The following ARSG variants were observed in gnomAD, a reference collection of about 807,000 sequenced individuals.
The protein encoded by ARSG is arylsulfatase G.
ARSG carries 37 observed loss-of-function variants against 50.5 expected under a neutral mutation model. That is an observed-to-expected ratio of 0.73 (90% confidence interval 0.56 to 0.96). The LOEUF (loss-of-function observed/expected upper bound fraction) is 0.96, where lower values mean the gene tolerates loss of function less well. Among genes scored for constraint, ARSG ranks in the 50% least tolerant of loss-of-function variants. The probability of loss-of-function intolerance (pLI) is 0.00; values close to 1 mark genes in which losing one functional copy is unlikely to be tolerated. For missense variants in ARSG, 629 were observed against 675.3 expected (o/e 0.93, Z 0.76); for synonymous variants, 225 against 254.6 (o/e 0.88, Z 1.11).
At chr17:68,330,926 C>T (rs1362439692) in intron 2 of ARSG, among the ~76,000 whole-genome samples, 2 of 140,718 alleles carry the variant, frequency 1.4e-5, no homozygotes, top group African/African-American at 5.3e-5. Context: ...AGGGACGCTG[C>T]ATTTTCTTTA....
chr17:68,326,058 A>T (rs2077489690), intron 2 of ARSG, among the ~76,000 whole-genome samples: 1 of 152,206 alleles, frequency 6.6e-6, no homozygotes, highest in South Asian at 2.1e-4. Context: ...GTCTGGAATT[A>T]TACCCTAGGG....
chr17:68,352,589 A>C (rs2078851973), intron 5 of ARSG, among the ~76,000 whole-genome samples: 1 of 149,824 alleles, frequency 6.7e-6, no homozygotes, highest in Non-Finnish European at 1.5e-5. Flanking sequence ...GGCTCACTGC[A>C]ACCTCTGCCT....
At chr17:68,346,136 A>G (rs1322066015) in intron 3 of ARSG, among the ~76,000 whole-genome samples, 1 of 152,070 alleles carries the variant, frequency 6.6e-6, no homozygotes, top group Non-Finnish European at 1.5e-5. Flanking sequence ...TCGGCCTCCC[A>G]AAGTGCTGGG....
intron 5 of ARSG, among the ~76,000 whole-genome samples, chr17:68,352,096 A>AGAGAGAGAGAGAGAGAGACAGAG (rs1568506485): frequency 3.1e-5 from 4 of 128,330 alleles, no homozygotes; most frequent in East Asian, 4.2e-4. Context: ...GAGGAGAGAG[A>AGAGAGAGAGAGAGAGAGACAGAG]GAGAGAGAGA....
At chr17:68,301,616 G>C (rs1357015860) in intron 1 of ARSG, among the ~76,000 whole-genome samples, 1 of 152,218 alleles carries the variant, frequency 6.6e-6, no homozygotes, top group Non-Finnish European at 1.5e-5. Flanking sequence ...CGGGGCATTT[G>C]TGTATTCTCA....
downstream of ARSG, chr17:68,421,793 C>G: frequency 6.2e-7 from 1 of 1,614,142 alleles, no homozygotes; most frequent in Non-Finnish European, 8.5e-7. Flanking sequence ...TTCGTTTTGC[C>G]CTTCTGATTT....
At chr17:68,339,010 C>G (rs1405419847) in intron 2 of ARSG, among the ~76,000 whole-genome samples, 1 of 152,134 alleles carries the variant, frequency 6.6e-6, no homozygotes, top group Non-Finnish European at 1.5e-5. Context: ...TCCTGAAGAC[C>G]TCCTGACAGC....
At chr17:68,276,938 C>G (rs2075542913) in intron 1 of ARSG, among the ~76,000 whole-genome samples, 1 of 152,122 alleles carries the variant, frequency 6.6e-6, no homozygotes, top group Admixed American at 6.5e-5. Context: ...GCGATTGGGT[C>G]TGGGAGTATA....
In ARSG at chr17:68,294,840, C is replaced by T. The variant is rs149857431; in HGVS notation, c.-552+3272C>T. Among the ~76,000 whole-genome samples, 430 of 152,230 alleles carry T rather than the reference C, an allele frequency of 2.8e-3. 1 individual carries two copies. The highest frequency in any genetic ancestry group is 0.01 in the Middle Eastern group (3 of 294). The stretch of plus-strand genomic sequence containing the variant: ...TTTATTTTGTGATTTGGGTTCCTCC[C>T]CCGCAGCACCCCGCCAAATTTCACA... On this transcript the variant is annotated intron_variant, in intron 1 of 11. Coordinates refer to ENST00000621439, the MANE Select transcript of ARSG (RefSeq NM_001267727.2).
At chr17:68,309,552 G>A (rs909473750) in intron 2 of ARSG, among the ~76,000 whole-genome samples, 1 of 152,104 alleles carries the variant, frequency 6.6e-6, no homozygotes, top group Non-Finnish European at 1.5e-5. Flanking sequence ...GTCACAGAGC[G>A]AGACTCTGTC....
chr17:68,403,766 T>A (rs2081582339), intron 11 of ARSG, among the ~76,000 whole-genome samples: 1 of 152,346 alleles, frequency 6.6e-6, no homozygotes, highest in South Asian at 2.1e-4. Context: ...CGTGCAGGTT[T>A]GTTACCTATG....
intron 3 of ARSG, among the ~76,000 whole-genome samples, chr17:68,346,185 G>A (rs1360208462): frequency 6.6e-6 from 1 of 152,054 alleles, no homozygotes; most frequent in African/African-American, 2.4e-5. Flanking sequence ...GAAATTGAGA[G>A]CCCATTTCTC....
chr17:68,321,850 T>C (rs1272583428), intron 2 of ARSG, among the ~76,000 whole-genome samples: 5 of 152,212 alleles, frequency 3.3e-5, no homozygotes, highest in Admixed American at 6.5e-5. Flanking sequence ...CCCCTGATGA[T>C]GAACTGGCCT....
chr17:68,273,280 C>T (rs1287409640), intron 1 of ARSG, among the ~76,000 whole-genome samples: 1 of 151,880 alleles, frequency 6.6e-6, no homozygotes, highest in East Asian at 1.9e-4. Context: ...GTGATCACAG[C>T]TCACTGGAGC....
the ARSG span, among the ~76,000 whole-genome samples, chr17:68,438,465 G>A: frequency 6.6e-6 from 1 of 152,258 alleles, no homozygotes; most frequent in Non-Finnish European, 1.5e-5. Context: ...GTTGTCTTGT[G>A]TGCTGGGTTC....
intron 9 of ARSG, among the ~76,000 whole-genome samples, chr17:68,391,087 TAA>T (rs1243400723): frequency 6.6e-6 from 1 of 152,144 alleles, no homozygotes; most frequent in African/African-American, 2.4e-5. Context: ...TCCGAGGTTT[TAA>T]AGACTCCCAG....
chr17:68,383,570 G>T (rs2080544739), intron 8 of ARSG, among the ~76,000 whole-genome samples: 1 of 152,242 alleles, frequency 6.6e-6, no homozygotes, highest in Admixed American at 6.5e-5. Context: ...CCCCCACGGG[G>T]GTGGAAGTAT....
At chr17:68,281,699 CA>C (rs1414997485) in intron 1 of ARSG, among the ~76,000 whole-genome samples, 2 of 152,162 alleles carry the variant, frequency 1.3e-5, no homozygotes, top group African/African-American at 4.8e-5. Flanking sequence ...AAATCCAAAT[CA>C]AAACCACAGT....
At chr17:68,328,444 T>G (rs80039359) in intron 2 of ARSG, among the ~76,000 whole-genome samples, 3,188 of 152,326 alleles carry the variant, frequency 0.021, 107 homozygotes, top group African/African-American at 0.071. Context: ...GGGTCGTATT[T>G]GGACCCAGGC....
Sources: gnomAD v4.1 joint callset for allele counts (sites outside exome capture counted in the v4.1 genomes callset) on GRCh38, gnomAD v4.1.1 for gene constraint, MANE v1.5 for transcripts, NCBI Gene and HGNC (gene_info 2026-07-23, HGNC 2026-07-21) for gene names.